Variants in ARID1B observed in about 807,000 individuals in gnomAD.
ARID1B encodes the protein AT-rich interaction domain 1B, also known as AT-rich interactive domain-containing protein 1B.
ARID1B carries 30 observed loss-of-function variants against 212.3 expected under a neutral mutation model. That is an observed-to-expected ratio of 0.14 (90% CI 0.11 to 0.19). The LOEUF (loss-of-function observed/expected upper bound fraction) is 0.19, where lower values mean the gene tolerates loss of function less well. Among genes scored for constraint, ARID1B ranks in the 10% least tolerant of loss-of-function variants. ARID1B has a pLI of 1.00. For synonymous variants in ARID1B, 1,402 were observed against 1,301.7 expected (o/e 1.08, Z -1.66); for missense variants, 2,891 against 3,204.0 (o/e 0.90, Z 2.36).
intron 2 of ARID1B, among the ~76,000 whole-genome samples, chr6:156,852,149 TAAAAA>T (rs970782264): frequency 2.7e-5 from 4 of 148,794 alleles, no homozygotes; most frequent in African/African-American, 9.8e-5. Context: ...TCTTTTGACT[TAAAAA>T]AAAAAATTTG....
rs546264268 is a variant in ARID1B at position 157,168,814 on chromosome 6, C to T, written c.3235+1629C>T. ...TGTTCAGTGAAAGGCCGTCCATCCT[C>T]ACGATCTTTTGTATGGGGTGGTAGT... On this transcript the variant is annotated intron_variant, in intron 9 of 19. Coordinates refer to ENST00000636930, the MANE Select transcript of ARID1B (RefSeq NM_001374828.1). 9.2e-5 allele frequency: 14 copies of T among 152,342 alleles called. No individual in the cohort carries two copies. In the South Asian group the frequency reaches 1.2e-3, roughly 14 times the overall value. 9.4% of individuals were successfully genotyped at this position (152,342 alleles called of 1,614,324 possible). A position where few individuals can be genotyped will look rare whatever the true frequency, so the allele number is the denominator to read the frequency against.
intron 4 of ARID1B, among the ~76,000 whole-genome samples, chr6:156,992,195 G>A (rs1471183838): frequency 6.6e-6 from 1 of 152,154 alleles, no homozygotes; most frequent in Non-Finnish European, 1.5e-5. Flanking sequence ...TTGGGTTTCT[G>A]TATTTCCTGC....
intron 3 of ARID1B, chr6:156,901,796 G>A (rs1788966698): frequency 2.4e-5 from 12 of 497,906 alleles, no homozygotes; most frequent in Admixed American, 3.8e-5. Context: ...CTTGTTCCCT[G>A]TCATTTGTGT....
At chr6:157,032,031 A>T (rs1781045253) in intron 4 of ARID1B, among the ~76,000 whole-genome samples, 1 of 152,180 alleles carries the variant, frequency 6.6e-6, no homozygotes, top group Admixed American at 6.5e-5. Flanking sequence ...TCCTGACCTC[A>T]GGTGATCCTC....
intron 4 of ARID1B, among the ~76,000 whole-genome samples, chr6:156,991,606 T>G (rs1224047366): frequency 6.6e-6 from 1 of 152,228 alleles, no homozygotes; most frequent in Non-Finnish European, 1.5e-5. Flanking sequence ...GGGGAAAAGT[T>G]CATACTTATA....
intron 2 of ARID1B, among the ~76,000 whole-genome samples, chr6:156,839,804 T>C (rs190397850): frequency 6.6e-6 from 1 of 152,188 alleles, no homozygotes; most frequent in Non-Finnish European, 1.5e-5. Flanking sequence ...CCAGGAGGGA[T>C]TCCAGCTCTG....
chr6:157,072,533 G>C (rs1039740792), intron 4 of ARID1B: 1 of 151,898 alleles, frequency 6.6e-6, no homozygotes, highest in Admixed American at 6.6e-5. Flanking sequence ...CTTGATTTTC[G>C]TTCAATCTTT....
At chr6:156,942,914 C>G in intron 4 of ARID1B, 1 of 152,258 alleles carries the variant, frequency 6.6e-6, no homozygotes, top group East Asian at 1.9e-4. Context: ...TGAAGGCACA[C>G]ATCTGTTTTA....
At chr6:157,059,018 A>G (rs1783159323) in intron 4 of ARID1B, among the ~76,000 whole-genome samples, 2 of 152,006 alleles carry the variant, frequency 1.3e-5, no homozygotes, top group African/African-American at 2.4e-5. Flanking sequence ...AGATGTTTCA[A>G]TGAGATGAGT....
intron 4 of ARID1B, chr6:157,023,819 T>G (rs1306610465): frequency 6.6e-6 from 1 of 152,218 alleles, no homozygotes; most frequent in Non-Finnish European, 1.5e-5. Flanking sequence ...ATAATGAGTG[T>G]GTGGTTCCTA....
chr6:156,894,513 A>G (rs1343341917), intron 2 of ARID1B, among the ~76,000 whole-genome samples: 2 of 152,246 alleles, frequency 1.3e-5, no homozygotes, highest in East Asian at 1.9e-4. Context: ...GTCTTTAGAC[A>G]TGGAAGATAA....
intron 3 of ARID1B, among the ~76,000 whole-genome samples, chr6:156,905,563 T>C (rs531602390): frequency 6.6e-6 from 1 of 152,222 alleles, no homozygotes; most frequent in Non-Finnish European, 1.5e-5. Flanking sequence ...ACATGTAAAA[T>C]CAACCATTGC....
intron 4 of ARID1B, among the ~76,000 whole-genome samples, chr6:156,987,620 A>G (rs756688251): frequency 1.6e-4 from 25 of 152,038 alleles, no homozygotes; most frequent in Middle Eastern, 3.4e-3. Flanking sequence ...GTGAGCCACC[A>G]CGCCCGGCCC....
At chr6:157,132,210 A>C (rs540766835) in intron 6 of ARID1B, among the ~76,000 whole-genome samples, 6 of 152,296 alleles carry the variant, frequency 3.9e-5, no homozygotes, top group Middle Eastern at 3.4e-3. Context: ...TGCACGATCT[A>C]TGTCGGAGCG....
chr6:157,210,155 C>T lies in ARID1B; in HGVS notation c.*2264C>T, dbSNP rs1794691224. 4.3e-6 allele frequency: 1 copy of T among 232,366 alleles called. No individual in the cohort carries two copies. Among genetic ancestry groups the T allele is most frequent in the Non-Finnish European group, 8.5e-6 (1 of 117,612 alleles). The allele number at this position is 232,366 out of a possible 1,614,324, so 14.4% of individuals were successfully genotyped here. On this transcript the variant is annotated 3_prime_UTR_variant, in exon 20 of 20. Coordinates refer to ENST00000636930, the MANE Select transcript of ARID1B (RefSeq NM_001374828.1). The stretch of plus-strand genomic sequence containing the variant: ...TCAACTCCCACATTACTGAGTCAAA[C>T]AGTCTTCTTACATAACAATGCAACC...
At chr6:157,170,658 C>T (rs1562320633) in intron 9 of ARID1B, among the ~76,000 whole-genome samples, 1 of 152,176 alleles carries the variant, frequency 6.6e-6, no homozygotes, top group Admixed American at 6.5e-5. Flanking sequence ...GGAAAGCCAC[C>T]CAGCATGGCC....
chr6:157,169,165 G>C (rs946967113), intron 9 of ARID1B: 10 of 152,228 alleles, frequency 6.6e-5, no homozygotes, highest in Non-Finnish European at 7.3e-5. Context: ...CAGTCTCCTT[G>C]GTTTGGGCCC....
intron 4 of ARID1B, among the ~76,000 whole-genome samples, chr6:157,067,736 G>A (rs963802013): frequency 2.6e-5 from 4 of 152,082 alleles, no homozygotes; most frequent in Non-Finnish European, 4.4e-5. Flanking sequence ...ATATGCACTC[G>A]TTCTGCGTAC....
chr6:157,149,030 T>A, intron 8 of ARID1B, 79 bp downstream of exon 8: 1 of 1,417,018 alleles, frequency 7.1e-7, no homozygotes, highest in Non-Finnish European at 9.6e-7. Context: ...CATAGCTGCA[T>A]TGTTCCCTGG....
Sources: gnomAD v4.1 joint callset for allele counts (sites outside exome capture counted in the v4.1 genomes callset) on GRCh38, gnomAD v4.1.1 for gene constraint, MANE v1.5 for transcripts, NCBI Gene and HGNC (gene_info 2026-07-23, HGNC 2026-07-21) for gene names.